Variants in SH3RF3 observed in about 807,000 individuals in gnomAD.
SH3RF3 encodes E3 ubiquitin-protein ligase SH3RF3.
Under a neutral mutation model 66.3 loss-of-function variants are expected in SH3RF3, and 29 were observed. The observed-to-expected ratio is 0.44, with a 90% CI of 0.33 to 0.60. The LOEUF (loss-of-function observed/expected upper bound fraction) is 0.60, where lower values mean the gene tolerates loss of function less well. SH3RF3 is among the 20% of genes least tolerant of loss of function. The pLI is 0.04. For missense variants in SH3RF3, 1,194 were observed against 1,190.9 expected, an observed-to-expected ratio of 1.00 and a Z score of -0.04; for synonymous variants, 583 against 532.0, an observed-to-expected ratio of 1.10 and a Z score of -1.32.
At chr2:109,305,860 C>G (rs756900507) in intron 1 of SH3RF3, among the ~76,000 whole-genome samples, 4 of 152,256 alleles carry the variant, frequency 2.6e-5, no homozygotes, top group Non-Finnish European at 5.9e-5. Flanking sequence ...GAGAAGAAAG[C>G]AATCCACGCA....
intron 1 of SH3RF3, among the ~76,000 whole-genome samples, chr2:109,251,207 T>G (rs965453846): frequency 2.0e-5 from 3 of 152,054 alleles, no homozygotes; most frequent in Non-Finnish European, 2.9e-5. Flanking sequence ...TTCACCATGT[T>G]GGCCAGGCTG....
At chr2:109,229,062 G>A (rs367909678) in intron 1 of SH3RF3, among the ~76,000 whole-genome samples, 12 of 152,260 alleles carry the variant, frequency 7.9e-5, no homozygotes, top group South Asian at 2.1e-4. Context: ...CAAGGGATTA[G>A]GAGCTCTGTG....
intron 2 of SH3RF3, 148 bp from the exon 3 acceptor site, chr2:109,371,438 G>A: frequency 1.7e-6 from 1 of 593,650 alleles, no homozygotes; most frequent in South Asian, 2.5e-5. Flanking sequence ...GGGTGAAGAT[G>A]TCAGATACCT....
At chr2:109,293,085 G>A (rs190982889) in intron 1 of SH3RF3, among the ~76,000 whole-genome samples, 1 of 152,300 alleles carries the variant, frequency 6.6e-6, no homozygotes, top group East Asian at 1.9e-4. Flanking sequence ...CCCTGCACAA[G>A]CAGGAAGGAC....
At chr2:109,337,202 T>C (rs949311383) in intron 1 of SH3RF3, among the ~76,000 whole-genome samples, 3 of 152,154 alleles carry the variant, frequency 2.0e-5, no homozygotes, top group African/African-American at 4.8e-5. Flanking sequence ...GGCCACATGA[T>C]TTAAAGATTT....
At chr2:109,409,168 A>G (rs1253381785) in intron 4 of SH3RF3, among the ~76,000 whole-genome samples, 1 of 152,168 alleles carries the variant, frequency 6.6e-6, no homozygotes, top group Admixed American at 6.5e-5. Flanking sequence ...ATATTGTGGG[A>G]ATTCCTTGTT....
At position 109,129,904 on chromosome 2, in the gene SH3RF3, C is replaced by T; in HGVS notation, c.364C>T (p.Arg122Cys). The T allele has an allele frequency of 6.6e-7, 1 of 1,507,378 alleles. No homozygotes were observed. Among genetic ancestry groups the T allele is most frequent in the Non-Finnish European group, 8.8e-7 (1 of 1,133,734 alleles). 93.4% of individuals were successfully genotyped at this position (1,507,378 alleles called of 1,614,324 possible). ...ILLVRLLDGIRQRPRAGTSPG... is the reference protein window; with the variant it reads ...ILLVRLLDGICQRPRAGTSPG... ...GCTGGTGCGACTGCTGGACGGCATC[C>T]GTCAGCGGCCCCGCGCGGGCACCAG... The change falls in exon 1 of 10, where the codon CGT becomes TGT. Residue 122 changes from arginine to cysteine, a missense_variant. Physicochemically the swap from Arg to Cys is radical, Grantham distance 180. Transcript: ENST00000309415.
intron 1 of SH3RF3, among the ~76,000 whole-genome samples, chr2:109,271,700 G>C (rs1558993973): frequency 6.6e-6 from 1 of 152,182 alleles, no homozygotes. Context: ...AGGACGAAGG[G>C]CCCCCCTCTG....
At chr2:109,469,446 T>A (rs1376972274) in intron 8 of SH3RF3, among the ~76,000 whole-genome samples, 3 of 152,132 alleles carry the variant, frequency 2.0e-5, no homozygotes, top group Admixed American at 2.0e-4. Flanking sequence ...CGAGGAAGGG[T>A]TTGACAGTAA....
intron 2 of SH3RF3, among the ~76,000 whole-genome samples, chr2:109,367,237 T>C (rs1288388334): frequency 1.3e-5 from 2 of 151,840 alleles, no homozygotes; most frequent in African/African-American, 4.8e-5. Flanking sequence ...GAACTGGGAT[T>C]ACAGGTGTGA....
intron 1 of SH3RF3, among the ~76,000 whole-genome samples, chr2:109,176,241 G>A (rs1463314340): frequency 6.6e-6 from 1 of 152,208 alleles, no homozygotes; most frequent in African/African-American, 2.4e-5. Context: ...GAGTCAAGTA[G>A]CAATTGTAGA....
intron 1 of SH3RF3, among the ~76,000 whole-genome samples, chr2:109,163,049 C>T (rs1677527190): frequency 6.6e-6 from 1 of 152,184 alleles, no homozygotes; most frequent in African/African-American, 2.4e-5. Context: ...ATAGCTGGGG[C>T]ACTGATCCCG....
chr2:109,262,355 C>G (rs1388009956), intron 1 of SH3RF3, among the ~76,000 whole-genome samples: 1 of 152,130 alleles, frequency 6.6e-6, no homozygotes, highest in Non-Finnish European at 1.5e-5. Context: ...TTCACTGTAC[C>G]TGGGGGCAGC....
At chr2:109,453,001 C>A (rs924411509) in intron 8 of SH3RF3, among the ~76,000 whole-genome samples, 8 of 148,904 alleles carry the variant, frequency 5.4e-5, no homozygotes, top group African/African-American at 2.0e-4. Context: ...GGAGGCTGGT[C>A]CCCGGGAAAC....
intron 1 of SH3RF3, among the ~76,000 whole-genome samples, chr2:109,283,930 T>C (rs1366331776): frequency 6.6e-6 from 1 of 152,208 alleles, no homozygotes; most frequent in Non-Finnish European, 1.5e-5. Flanking sequence ...TCCATCTCAC[T>C]TGGGGAGGCC....
chr2:109,187,139 A>C (rs1209964893), intron 1 of SH3RF3, among the ~76,000 whole-genome samples: 2 of 149,706 alleles, frequency 1.3e-5, no homozygotes, highest in African/African-American at 2.4e-5. Flanking sequence ...GGGACACAGG[A>C]CTCTGTCCCC....
At chr2:109,263,417 A>G (rs576935444) in intron 1 of SH3RF3, among the ~76,000 whole-genome samples, 1 of 152,260 alleles carries the variant, frequency 6.6e-6, no homozygotes, top group African/African-American at 2.4e-5. Context: ...TCTGGTTGTA[A>G]AATTCTTGAT....
chr2:109,220,305 C>G (rs1482261198), intron 1 of SH3RF3, among the ~76,000 whole-genome samples: 1 of 152,064 alleles, frequency 6.6e-6, no homozygotes, highest in Non-Finnish European at 1.5e-5. Context: ...AACATAAGAG[C>G]TAAAATTATA....
At chr2:109,194,566 A>C (rs1313776494) in intron 1 of SH3RF3, among the ~76,000 whole-genome samples, 2 of 152,206 alleles carry the variant, frequency 1.3e-5, no homozygotes, top group African/African-American at 4.8e-5. Flanking sequence ...CCCCACTTTC[A>C]GGGCCCGGCG....
Sources: allele counts gnomAD v4.1 joint callset (sites outside exome capture counted in the v4.1 genomes callset), GRCh38; gene constraint gnomAD v4.1.1; transcripts MANE v1.5; gene names NCBI Gene and HGNC (gene_info 2026-07-23, HGNC 2026-07-21).